The following SMC5 variants were observed in gnomAD, a reference collection of about 807,000 sequenced individuals.
SMC5 encodes structural maintenance of chromosomes protein 5.
In SMC5, 88 loss-of-function variants were observed where a neutral mutation model predicts 148.3. The observed-to-expected ratio is 0.59, with a 90% CI of 0.50 to 0.71. The LOEUF (loss-of-function observed/expected upper bound fraction) is 0.71, where lower values mean the gene tolerates loss of function less well. Ranked by LOEUF, SMC5 falls within the 30% of genes least tolerant of loss-of-function variation. The pLI is 0.00. For synonymous variants in SMC5, 421 were observed against 432.8 expected (o/e 0.97, Z 0.34); for missense variants, 1,142 against 1,298.9 (o/e 0.88, Z 1.86).
chr9:70,278,575 A>C lies in SMC5; in HGVS notation c.628A>C (p.Lys210Gln). 3 of 1,612,168 alleles carry C rather than the reference A, an allele frequency of 1.9e-6. No individual in the cohort carries two copies. The highest frequency in any genetic ancestry group is 2.5e-6 in the Non-Finnish European group (3 of 1,179,418). Residue 210 changes from lysine to glutamine, a missense_variant, in exon 5 of 25, where the codon AAA (lysine) becomes CAA (glutamine). Transcript: ENST00000361138. ...GTCAATTGGTCCCCCAGAAATGCAC[A>C]AATATCACTGTGAACTCAAAAACTT... Reference protein sequence around the residue: ...EKSIGPPEMHKYHCELKNLRE... With the variant: ...EKSIGPPEMHQYHCELKNLRE...
intron 2 of SMC5, among the ~76,000 whole-genome samples, chr9:70,266,467 C>T (rs959584181): frequency 6.6e-6 from 1 of 152,150 alleles, no homozygotes; most frequent in Non-Finnish European, 1.5e-5. Context: ...CATTTAATCC[C>T]TATCTCTTTG....
rs1231446535 is a variant in SMC5 at position 70,353,024 on chromosome 9, T to G, written c.*693T>G. The G allele has an allele frequency of 6.6e-6, 1 of 151,872 alleles. No homozygotes were observed. The highest frequency in any genetic ancestry group is 2.4e-5 in the African/African-American group (1 of 41,368). 9.4% of individuals were successfully genotyped at this position (151,872 alleles called of 1,614,324 possible). The stretch of plus-strand genomic sequence containing the variant: ...ATGATGCAAAATACAACCAAAAGAT[T>G]GACTGAGAATAAAATTAGGTGACAA... On this transcript the variant is annotated 3_prime_UTR_variant, in exon 25 of 25. Transcript: ENST00000361138.
At chr9:70,350,005 T>C (rs372876216) in intron 22 of SMC5, 109 bp from the exon 23 acceptor site, 1 of 615,966 alleles carries the variant, frequency 1.6e-6, no homozygotes, top group African/African-American at 1.9e-5. Context: ...CTAGTGTCAC[T>C]AAATTTTGAG....
intron 8 of SMC5, among the ~76,000 whole-genome samples, chr9:70,287,952 C>T (rs1422894991): frequency 2.6e-5 from 4 of 151,922 alleles, no homozygotes; most frequent in Non-Finnish European, 5.9e-5. Context: ...CTTGTTTTTC[C>T]ATCTTCTAAG....
chr9:70,341,020 A>G (rs1423565972), intron 17 of SMC5, among the ~76,000 whole-genome samples: 2 of 152,180 alleles, frequency 1.3e-5, no homozygotes, highest in Admixed American at 1.3e-4. Flanking sequence ...TCTATTAACT[A>G]TTAAAGGCTA....
chr9:70,272,087 T>C (rs1354236419), intron 3 of SMC5, among the ~76,000 whole-genome samples: 1 of 152,226 alleles, frequency 6.6e-6, no homozygotes, highest in Non-Finnish European at 1.5e-5. Flanking sequence ...AAGTGACTAA[T>C]AGAACAACGC....
At chr9:70,318,386 T>C in intron 13 of SMC5, 128 bp from the exon 14 acceptor site, 1 of 630,422 alleles carries the variant, frequency 1.6e-6, no homozygotes, top group Non-Finnish European at 2.4e-6. Flanking sequence ...AGACCCTGTC[T>C]AAAAAAAAAA....
chr9:70,282,377 G>C, intron 6 of SMC5, 45 bp from the exon 7 acceptor site: 2 of 1,544,088 alleles, frequency 1.3e-6, no homozygotes, highest in Non-Finnish European at 1.7e-6. Context: ...ATATGTGTTA[G>C]TTTAAGGTAG....
chr9:70,298,042 G>A lies in SMC5; in HGVS notation c.1130G>A (p.Arg377His), dbSNP rs765120179. The A allele has an allele frequency of 1.4e-5, 23 of 1,613,808 alleles. No homozygotes were observed. The highest frequency in any genetic ancestry group is 1.9e-5 in the Non-Finnish European group (22 of 1,179,920). The change falls in exon 9 of 25, where the codon CGC (arginine) becomes CAC (histidine). Residue 377 changes from arginine to histidine, a missense_variant. This residue lies in a region of SMC5 where 743 missense variants were observed against 835.7 expected (regional missense o/e 0.89). Coordinates refer to ENST00000361138, the MANE Select transcript of SMC5 (RefSeq NM_015110.4). ...LDRQRRIGNT[R>H]KMIEDLQNEL... ...CGACAGAGGAGAATAGGTAATACCC[G>A]CAAAATGATAGAGGATTTGCAAAAT...
chr9:70,328,410 G>A (rs1370954806), intron 17 of SMC5, among the ~76,000 whole-genome samples: 2 of 152,214 alleles, frequency 1.3e-5, no homozygotes, highest in African/African-American at 4.8e-5. Context: ...CAAAAAGGGA[G>A]AAATCAGCCA....
chr9:70,336,985 G>T (rs1419927110), intron 17 of SMC5, among the ~76,000 whole-genome samples: 2 of 152,148 alleles, frequency 1.3e-5, no homozygotes, highest in African/African-American at 4.8e-5. Context: ...ATGAATGGTG[G>T]CAGGCAAAGA....
At chr9:70,284,516 CTG>C (rs758437138) in intron 7 of SMC5, among the ~76,000 whole-genome samples, 22 of 152,166 alleles carry the variant, frequency 1.4e-4, no homozygotes, top group Non-Finnish European at 3.2e-4. Context: ...CTTGAATTTT[CTG>C]TTACTGTAAA....
chr9:70,332,499 G>GGGT (rs1193025071), intron 17 of SMC5, among the ~76,000 whole-genome samples: 28 of 144,910 alleles, frequency 1.9e-4, no homozygotes, highest in African/African-American at 6.9e-4. Context: ...ACTTCAGCCT[G>GGGT]GGTGACAGAG....
At position 70,323,580 on chromosome 9, in the gene SMC5, G is replaced by A. The variant is rs757142205; in HGVS notation, c.2248G>A (p.Val750Ile). ...KEINVQKAKL[V>I]TELTNLIKIC... ...AATAAATGTTCAAAAAGCGAAACTT[G>A]TTACCGAATTAACAAACCTAATAAA... Residue 750 changes from valine to isoleucine, a missense_variant, in exon 16 of 25, where the codon GTT (valine) becomes ATT (isoleucine). Val to Ile is a conservative substitution (Grantham distance 29, BLOSUM62 3). Around this residue, in one of 5 missense-constraint regions of SMC5, gnomAD observed 743 missense variants for 835.7 expected, o/e 0.89. Transcript: ENST00000361138. 1.2e-6 allele frequency: 2 copies of A among 1,611,780 alleles called. No individual in the cohort carries two copies.
intron 3 of SMC5, among the ~76,000 whole-genome samples, chr9:70,274,365 G>A (rs1314525343): frequency 6.6e-6 from 1 of 152,136 alleles, no homozygotes; most frequent in Non-Finnish European, 1.5e-5. Flanking sequence ...ACAGGCGTGA[G>A]CCACTGCGCC....
At position 70,347,170 on chromosome 9, in the gene SMC5, G is replaced by A. The variant is rs2036685802; in HGVS notation, c.2664+9G>A. 2 of 1,610,588 alleles carry A rather than the reference G, an allele frequency of 1.2e-6. No homozygotes were observed. The highest frequency in any genetic ancestry group is 2.7e-5 in the African/African-American group (2 of 74,770). On this transcript the variant is annotated intron_variant, in intron 20 of 24. Coordinates refer to ENST00000361138, the MANE Select transcript of SMC5 (RefSeq NM_015110.4). ...CGGGACTGAATCCTACAGTATGCCT[G>A]TTTCTCTATTCCCATTCTGCATCCA... is the stretch of plus-strand genomic sequence containing the variant.
intron 8 of SMC5, among the ~76,000 whole-genome samples, chr9:70,295,194 G>A (rs539386990): frequency 3.6e-4 from 55 of 151,760 alleles, no homozygotes; most frequent in African/African-American, 1.1e-3. Flanking sequence ...GGCGGGGCGC[G>A]GTGGCTCACA....
At chr9:70,327,715 G>T (rs867780611) in intron 17 of SMC5, among the ~76,000 whole-genome samples, 2 of 152,000 alleles carry the variant, frequency 1.3e-5, no homozygotes, top group Non-Finnish European at 2.9e-5. Context: ...CTAATGAATC[G>T]GATTACATTA....
chr9:70,288,842 CT>C (rs898070360), intron 8 of SMC5, among the ~76,000 whole-genome samples: 13 of 151,238 alleles, frequency 8.6e-5, no homozygotes, highest in South Asian at 2.1e-4. Context: ...TTTTTTGAGA[CT>C]TTTTTTTGGC....
Sources: gnomAD v4.1 joint callset for allele counts (sites outside exome capture counted in the v4.1 genomes callset) on GRCh38, gnomAD v4.1.1 for gene constraint, gnomAD v4.1.1 regional missense constraint, MANE v1.5 for transcripts, NCBI Gene and HGNC (gene_info 2026-07-23, HGNC 2026-07-21) for gene names.